Variants in LAMA2 observed in about 807,000 individuals in gnomAD.
LAMA2 encodes the protein laminin subunit alpha-2.
Under a neutral mutation model 364.8 loss-of-function variants are expected in LAMA2, and 269 were observed. The ratio of observed to expected loss-of-function variants is 0.74; its 90% CI spans 0.67 to 0.82. The LOEUF (loss-of-function observed/expected upper bound fraction) is 0.82. Ranked by LOEUF, LAMA2 falls within the 40% of genes least tolerant of loss-of-function variation. LAMA2 has a pLI of 0.00. For missense variants in LAMA2, 3,807 were observed against 3,873.2 expected (o/e 0.98, Z 0.45); for synonymous variants, 1,379 against 1,370.6 (o/e 1.01, Z -0.14).
intron 12 of LAMA2, among the ~76,000 whole-genome samples, chr6:129,210,446 G>C (rs1158796558): frequency 6.6e-6 from 1 of 151,832 alleles, no homozygotes; most frequent in African/African-American, 2.4e-5. Context: ...ATTTACATTG[G>C]AATAAAATGA....
chr6:129,097,929 T>C (rs1197025501), intron 3 of LAMA2, among the ~76,000 whole-genome samples: 1 of 152,294 alleles, frequency 6.6e-6, no homozygotes, highest in African/African-American at 2.4e-5. Flanking sequence ...TGCCAATGAG[T>C]TGTTACTAAA....
chr6:129,354,657 C>T (rs1365695700), intron 32 of LAMA2, among the ~76,000 whole-genome samples: 1 of 151,932 alleles, frequency 6.6e-6, no homozygotes, highest in Non-Finnish European at 1.5e-5. Flanking sequence ...TATCCAGAAG[C>T]AAACTTGAAA....
At chr6:129,473,533 A>G (rs991307468) in intron 52 of LAMA2, among the ~76,000 whole-genome samples, 181 bp downstream of exon 52, 1 of 152,060 alleles carries the variant, frequency 6.6e-6, no homozygotes, top group African/African-American at 2.4e-5. Flanking sequence ...CCAAAGGACT[A>G]ATTTGACATC....
In LAMA2 at chr6:129,093,560, G is replaced by A. The variant is rs541931918; in HGVS notation, c.397-4613G>A. 6.6e-5 allele frequency among the ~76,000 whole-genome samples: 10 copies of A among 152,184 alleles called. No individual in the cohort carries two copies. The East Asian group carries it at 1.4e-3, about 21-fold the overall frequency. ...TAACTCTATGTGATGATCATTGTCC[G>A]TTGCTTATTATTTTGAGACTAAAGG... On this transcript the variant is annotated intron_variant, in intron 3 of 64. Transcript: ENST00000421865.
chr6:129,155,833 G>T (rs539907474), intron 8 of LAMA2, among the ~76,000 whole-genome samples: 1 of 151,978 alleles, frequency 6.6e-6, no homozygotes, highest in East Asian at 1.9e-4. Context: ...TTTCAAGATT[G>T]TCTATAGTAG....
chr6:129,391,702 G>C, intron 36 of LAMA2, 49 bp downstream of exon 36: 1 of 1,530,998 alleles, frequency 6.5e-7, no homozygotes, highest in East Asian at 2.3e-5. Flanking sequence ...GAGATTTCCA[G>C]ATAATTTACA....
chr6:129,022,438 A>C (rs745486559), intron 1 of LAMA2, among the ~76,000 whole-genome samples: 1 of 152,092 alleles, frequency 6.6e-6, no homozygotes, highest in Non-Finnish European at 1.5e-5. Context: ...CCACTCATTT[A>C]CTCCGAAATT....
intron 14 of LAMA2, among the ~76,000 whole-genome samples, chr6:129,257,552 G>T (rs765094135): frequency 6.6e-6 from 1 of 151,990 alleles, no homozygotes; most frequent in Non-Finnish European, 1.5e-5. Context: ...TTTAAGTTTT[G>T]CATGTCAATT....
chr6:129,429,713 T>C (rs556008425), intron 41 of LAMA2, among the ~76,000 whole-genome samples: 1 of 152,306 alleles, frequency 6.6e-6, no homozygotes, highest in East Asian at 1.9e-4. Flanking sequence ...CACTCCTTCC[T>C]ATCTCATACC....
chr6:128,929,314 C>G, intron 1 of LAMA2: 1 of 1,217,562 alleles, frequency 8.2e-7, no homozygotes, highest in Non-Finnish European at 1.2e-6. Context: ...ACAGCTCACT[C>G]TCACAGAGCC....
chr6:129,144,229 T>C, intron 5 of LAMA2, 149 bp downstream of exon 5: 3 of 586,828 alleles, frequency 5.1e-6, no homozygotes, highest in Non-Finnish European at 8.7e-6. Flanking sequence ...ATTATTATTA[T>C]TATTTGAAAT....
intron 9 of LAMA2, among the ~76,000 whole-genome samples, chr6:129,169,894 A>G (rs1460098634): frequency 6.9e-6 from 1 of 145,166 alleles, no homozygotes; most frequent in Non-Finnish European, 1.5e-5. Flanking sequence ...GTCTTGGGAG[A>G]GTGTATGTGT....
intron 58 of LAMA2, among the ~76,000 whole-genome samples, chr6:129,496,122 T>C (rs891477379): frequency 1.3e-5 from 2 of 152,146 alleles, no homozygotes; most frequent in Non-Finnish European, 2.9e-5. Flanking sequence ...AAAACCCAGA[T>C]ATCTAAATTC....
At chr6:129,017,691 T>C (rs1388943222) in intron 1 of LAMA2, among the ~76,000 whole-genome samples, 1 of 152,108 alleles carries the variant, frequency 6.6e-6, no homozygotes, top group Admixed American at 6.5e-5. Flanking sequence ...TGATAACATG[T>C]GATAGGTGTT....
At chr6:129,070,899 T>C (rs1582986656) in intron 3 of LAMA2, among the ~76,000 whole-genome samples, 1 of 152,262 alleles carries the variant, frequency 6.6e-6, no homozygotes, top group East Asian at 1.9e-4. Context: ...GAGAGAATTT[T>C]TGCTAAATGA....
At chr6:129,319,436 T>C (rs1193540478) in intron 27 of LAMA2, among the ~76,000 whole-genome samples, 1 of 152,206 alleles carries the variant, frequency 6.6e-6, no homozygotes, top group Non-Finnish European at 1.5e-5. Context: ...CTAAACTTCT[T>C]ATGATTTATG....
At chr6:129,049,094 C>T (rs1007625982) in intron 1 of LAMA2, among the ~76,000 whole-genome samples, 29 of 152,004 alleles carry the variant, frequency 1.9e-4, no homozygotes, top group Non-Finnish European at 2.9e-5. Flanking sequence ...TGATGAGTGA[C>T]TTTGCTATAC....
intron 40 of LAMA2, among the ~76,000 whole-genome samples, chr6:129,426,386 A>C (rs1781325339): frequency 6.6e-6 from 1 of 152,166 alleles, no homozygotes; most frequent in Admixed American, 6.5e-5. Context: ...TTTGGAACAA[A>C]TATAGAATCT....
At chr6:129,178,539 A>G (rs1780746995) in intron 10 of LAMA2, among the ~76,000 whole-genome samples, 1 of 152,196 alleles carries the variant, frequency 6.6e-6, no homozygotes, top group Non-Finnish European at 1.5e-5. Flanking sequence ...TACTTTACCT[A>G]TAGTAATGAG....
Sources: gnomAD v4.1 joint callset for allele counts (sites outside exome capture counted in the v4.1 genomes callset) on GRCh38, gnomAD v4.1.1 for gene constraint, MANE v1.5 for transcripts, NCBI Gene and HGNC (gene_info 2026-07-23, HGNC 2026-07-21) for gene names.